LONP1: variants seen among roughly 807,000 people sequenced by gnomAD.
LONP1 encodes the protein lon protease homolog, mitochondrial.
Under a neutral mutation model 98.5 loss-of-function variants are expected in LONP1, and 31 were observed. The ratio of observed to expected loss-of-function variants is 0.31; its 90% CI spans 0.24 to 0.42. The LOEUF is 0.42. LONP1 is among the 20% of genes least tolerant of loss of function. The pLI is 1.00. For missense variants in LONP1, 1,336 were observed against 1,350.6 expected (o/e 0.99, Z 0.17); for synonymous variants, 781 against 594.7 (o/e 1.31, Z -4.56).
At chr19:5,710,132 G>A (rs1215247199) in intron 4 of LONP1, among the ~76,000 whole-genome samples, 2 of 148,882 alleles carry the variant, frequency 1.3e-5, no homozygotes, top group Non-Finnish European at 3.0e-5. Context: ...TGCCCAGGCT[G>A]GAATGCAATA....
At chr19:5,707,900 C>T (rs1292504215) in intron 5 of LONP1, 74 bp from the exon 6 acceptor site, 4 of 1,565,776 alleles carry the variant, frequency 2.6e-6, no homozygotes, top group African/African-American at 2.7e-5. Flanking sequence ...AAACGGGGAC[C>T]CGGTCCTCAG....
chr19:5,695,423 GGTCCCCATGCCCCCCAGTCCT>G (rs1409365933), intron 13 of LONP1, among the ~76,000 whole-genome samples: 3 of 151,922 alleles, frequency 2.0e-5, no homozygotes, highest in African/African-American at 4.8e-5. Context: ...TGCCCTGAGG[GGTCCCCATGCCCCCCAGTCCT>G]GTCCCCAGGA....
rs142576092 is a variant in LONP1, at chr19:5,694,403, C to T, written c.2304G>A (p.Leu768=). ...CACGCTCACCCATTGCGGTCCAGGC[C>T]AGCCCCATGACCACGCCGGGCGGTG... ...DVTPPGVVMG[L]AWTAMGGSTL... Residue 768 remains leucine (L), a synonymous_variant, in exon 15 of 18, where the codon CTG becomes CTA. Transcript: ENST00000360614. 7.4e-6 allele frequency: 12 copies of T among 1,613,346 alleles called. No individual in the cohort carries two copies. Among genetic ancestry groups the T allele is most frequent in the African/African-American group, 1.3e-5 (1 of 74,936 alleles).
chr19:5,713,664 C>T (rs186993078), intron 2 of LONP1, among the ~76,000 whole-genome samples: 2 of 152,296 alleles, frequency 1.3e-5, no homozygotes, highest in African/African-American at 2.4e-5. Context: ...TAGGTTCAAC[C>T]GATTCTCCTT....
intron 8 of LONP1, among the ~76,000 whole-genome samples, chr19:5,701,681 C>T (rs1297872133): frequency 6.6e-6 from 1 of 152,210 alleles, no homozygotes; most frequent in Admixed American, 6.5e-5. Context: ...CGGCTCGCTA[C>T]AACCTCCACC....
intron 8 of LONP1, among the ~76,000 whole-genome samples, chr19:5,703,014 TAA>T (rs75284257): frequency 1.5e-4 from 17 of 112,306 alleles, no homozygotes; most frequent in Admixed American, 1.8e-4. Context: ...GAATGATCAA[TAA>T]AAAAAAAAAA....
chr19:5,706,536 G>A (rs1333914134), intron 7 of LONP1, among the ~76,000 whole-genome samples: 2 of 152,072 alleles, frequency 1.3e-5, no homozygotes, highest in African/African-American at 4.8e-5. Flanking sequence ...GAGCCCTGGA[G>A]GTGGAGGCTG....
chr19:5,714,302 C>T (rs1033183502), intron 1 of LONP1, 31 bp from the exon 2 acceptor site: 1 of 1,487,236 alleles, frequency 6.7e-7, no homozygotes, highest in Non-Finnish European at 9.3e-7. Flanking sequence ...AAGTGAAATG[C>T]AGAGTAGATT....
At chr19:5,710,744 G>A (rs1392997707) in intron 4 of LONP1, among the ~76,000 whole-genome samples, 1 of 152,078 alleles carries the variant, frequency 6.6e-6, no homozygotes, top group Non-Finnish European at 1.5e-5. Context: ...ACTCACAGGT[G>A]GCCGGGCACA....
chr19:5,692,096 T>C lies in LONP1; in HGVS notation c.2816A>G (p.Tyr939Cys), dbSNP rs1184270526. ...GAAGGCGATGTCGAAGATCTCCCGG[T>C]AGTGTTCCACGAAGTGCACCTCCAG... ...EGLEVHFVEH[Y>C]REIFDIAFPD... Residue 939 changes from tyrosine (Y) to cysteine (C), a missense_variant, in exon 18 of 18, where the codon TAC becomes TGC. Coordinates refer to ENST00000360614, the MANE Select transcript of LONP1 (RefSeq NM_004793.4). 1 of 1,606,974 alleles carries C rather than the reference T, an allele frequency of 6.2e-7. No homozygotes were observed. The highest frequency in any genetic ancestry group is 8.5e-7 in the Non-Finnish European group (1 of 1,175,562).
chr19:5,693,993 CCA>C (rs1264470967), intron 15 of LONP1, among the ~76,000 whole-genome samples: 13 of 152,292 alleles, frequency 8.5e-5, no homozygotes, highest in Admixed American at 3.3e-4. Context: ...CAGCTGCCAG[CCA>C]CAGAGGACAC....
intron 1 of LONP1, among the ~76,000 whole-genome samples, chr19:5,715,569 G>A (rs181148131): frequency 5.8e-4 from 81 of 139,832 alleles, no homozygotes; most frequent in African/African-American, 1.9e-3. Context: ...GTGAACCCGG[G>A]AGGCGGAGCA....
At chr19:5,697,330 G>A (rs894711015) in intron 10 of LONP1, among the ~76,000 whole-genome samples, 1 of 151,892 alleles carries the variant, frequency 6.6e-6, no homozygotes, top group Non-Finnish European at 1.5e-5. Context: ...GTGCAGGGGG[G>A]TAAGGAGTGT....
intron 14 of LONP1, 28 bp downstream of exon 14, chr19:5,694,733 G>A: frequency 6.3e-7 from 1 of 1,582,632 alleles, no homozygotes; most frequent in South Asian, 1.1e-5. Context: ...TGGGCGGCAG[G>A]TGCCAGGAGG....
At chr19:5,695,599 G>A (rs374000160) in intron 13 of LONP1, among the ~76,000 whole-genome samples, 2 of 152,202 alleles carry the variant, frequency 1.3e-5, no homozygotes, top group East Asian at 3.9e-4. Flanking sequence ...GCTCCTAGGG[G>A]AGAAATGCAC....
intron 4 of LONP1, chr19:5,709,012 C>CAAAAA (rs34432915): frequency 1.3e-5 from 1 of 75,386 alleles, no homozygotes; most frequent in Non-Finnish European, 2.6e-5. Flanking sequence ...GACTCTGTCT[C>CAAAAA]AAAAAAAAAA....
chr19:5,696,600 C>T lies in LONP1; in HGVS notation c.1773+70G>A, dbSNP rs142021468. On this transcript the variant is annotated intron_variant, in intron 11 of 17. Coordinates refer to ENST00000360614, the MANE Select transcript of LONP1 (RefSeq NM_004793.4). ...GAGTTGGCTCGGGGATCCTAGGACC[C>T]GGAAGGCTCGGCTTCATCTTGCACA... is the stretch of plus-strand genomic sequence containing the variant. 6.7e-3 allele frequency: 9,949 copies of T among 1,474,830 alleles called. 75 individuals carry two copies. The highest frequency in any genetic ancestry group is 0.027 in the Middle Eastern group (156 of 5,688). The allele number at this position is 1,474,830 out of a possible 1,614,324, so 91.4% of individuals were successfully genotyped here. A position where few individuals can be genotyped will look rare whatever the true frequency, so the allele number is the denominator to read the frequency against.
intron 15 of LONP1, among the ~76,000 whole-genome samples, chr19:5,694,032 G>A (rs527720447): frequency 2.6e-5 from 4 of 152,316 alleles, no homozygotes; most frequent in Admixed American, 1.3e-4. Flanking sequence ...CCCAGCTGCC[G>A]CTGCCCTGCA....
chr19:5,696,468 G>T, intron 11 of LONP1, 97 bp from the exon 12 acceptor site: 2 of 1,502,674 alleles, frequency 1.3e-6, no homozygotes, highest in Non-Finnish European at 1.8e-6. Flanking sequence ...GACCCCGAGT[G>T]AGAGCGGCAC....
Sources: allele counts gnomAD v4.1 joint callset (sites outside exome capture counted in the v4.1 genomes callset), GRCh38; gene constraint gnomAD v4.1.1; transcripts MANE v1.5; gene names NCBI Gene and HGNC (gene_info 2026-07-23, HGNC 2026-07-21).